Variants in ARHGAP8 observed in about 807,000 individuals in gnomAD.
ARHGAP8 encodes rho GTPase-activating protein 8.
A neutral mutation model predicts 46.1 loss-of-function variants in ARHGAP8; 62 were observed. The observed-to-expected ratio is 1.34, with a 90% CI of 1.10 to 1.66. The LOEUF (loss-of-function observed/expected upper bound fraction) is 1.66. Among genes scored for constraint, ARHGAP8 ranks in the 40% most tolerant of loss-of-function variants. The pLI is 0.00. For missense variants in ARHGAP8, 923 were observed against 568.4 expected (o/e 1.62, Z -6.34); for synonymous variants, 375 against 243.1 (o/e 1.54, Z -5.05).
intron 7 of ARHGAP8, among the ~76,000 whole-genome samples, chr22:44,840,009 C>T (rs1322484886): frequency 6.6e-6 from 1 of 152,192 alleles, no homozygotes; most frequent in Non-Finnish European, 1.5e-5. Flanking sequence ...GCCAGTGCAC[C>T]TGCCCGCAGT....
rs555325054 is a variant in ARHGAP8, at chr22:44,857,499, C to T, written c.878-2232C>T. Among the ~76,000 whole-genome samples the T allele has an allele frequency of 1.3e-4, 20 of 152,256 alleles. No individual in the cohort carries two copies. The South Asian group carries it at 2.7e-3, about 21-fold the overall frequency. ...AAGTTGCACATGACATGGGTACCTTCGTAAGGAAACGAAGGCCCAGAGATC... is the reference window on the plus strand; with the variant it reads ...AAGTTGCACATGACATGGGTACCTTTGTAAGGAAACGAAGGCCCAGAGATC... On this transcript the variant is annotated intron_variant, in intron 10 of 11. Transcript: ENST00000356099.
At chr22:44,861,649 G>C (rs983515582) in intron 11 of ARHGAP8, among the ~76,000 whole-genome samples, 1 of 152,160 alleles carries the variant, frequency 6.6e-6, no homozygotes, top group Non-Finnish European at 1.5e-5. Flanking sequence ...GCAAGGAGCA[G>C]AGAACAGGCC....
intron 7 of ARHGAP8, among the ~76,000 whole-genome samples, chr22:44,843,576 C>T (rs1032089443): frequency 2.6e-5 from 4 of 151,992 alleles, no homozygotes; most frequent in African/African-American, 7.2e-5. Flanking sequence ...TGCCTGTAAT[C>T]CCAGGACTTT....
chr22:44,782,634 G>A (rs1034910082), intron 1 of ARHGAP8, among the ~76,000 whole-genome samples: 3 of 152,138 alleles, frequency 2.0e-5, no homozygotes, highest in East Asian at 3.9e-4. Flanking sequence ...TGAATAGAGC[G>A]GTTTCAAGTT....
chr22:44,860,960 T>G (rs939969838), intron 11 of ARHGAP8, among the ~76,000 whole-genome samples: 1 of 151,692 alleles, frequency 6.6e-6, no homozygotes, highest in African/African-American at 2.4e-5. Context: ...TTCTCCCTGT[T>G]GCTTGACATA....
intron 1 of ARHGAP8, among the ~76,000 whole-genome samples, chr22:44,770,434 C>G (rs539341818): frequency 6.6e-6 from 1 of 150,722 alleles, no homozygotes. Context: ...GAGACAGTGT[C>G]TCTCTGTATC....
chr22:44,822,479 T>C lies in ARHGAP8; in HGVS notation c.485+10T>C, dbSNP rs774049158. 5.2e-6 allele frequency: 8 copies of C among 1,535,026 alleles called. No individual in the cohort carries two copies. The highest frequency in any genetic ancestry group is 1.3e-5 in the South Asian group (1 of 77,084). ...CTCCCGAAGTTTTGCGGTAAGTGCCTGTTAGACCCCAGAAGCCGCATCAAT... is the reference window on the plus strand; with the variant it reads ...CTCCCGAAGTTTTGCGGTAAGTGCCCGTTAGACCCCAGAAGCCGCATCAAT... On this transcript the variant is annotated intron_variant, in intron 6 of 11. Coordinates refer to ENST00000356099, the MANE Select transcript of ARHGAP8 (RefSeq NM_181335.3).
At chr22:44,858,284 C>T (rs1390956774) in intron 10 of ARHGAP8, among the ~76,000 whole-genome samples, 1 of 151,854 alleles carries the variant, frequency 6.6e-6, no homozygotes, top group Non-Finnish European at 1.5e-5. Flanking sequence ...CATAGGCATG[C>T]ATGTGGCTGA....
At chr22:44,831,992 A>C (rs1421521998) in intron 7 of ARHGAP8, among the ~76,000 whole-genome samples, 2 of 152,130 alleles carry the variant, frequency 1.3e-5, no homozygotes, top group Non-Finnish European at 1.5e-5. Flanking sequence ...TAATTTCTGT[A>C]AAAGGCAGCT....
At chr22:44,784,637 G>A (rs558131255) in intron 1 of ARHGAP8, among the ~76,000 whole-genome samples, 2 of 152,194 alleles carry the variant, frequency 1.3e-5, no homozygotes, top group Admixed American at 1.3e-4. Flanking sequence ...TGTACTTTGG[G>A]CCCAACTGGA....
intron 8 of ARHGAP8, among the ~76,000 whole-genome samples, chr22:44,846,746 C>G (rs2069966589): frequency 1.3e-5 from 2 of 152,292 alleles, no homozygotes; most frequent in Middle Eastern, 3.4e-3. Flanking sequence ...CTACGTGCCT[C>G]CCTCGTGCCA....
rs142073610 is a variant in ARHGAP8, at chr22:44,773,255, C to G, written c.-71-13202C>G. On this transcript the variant is annotated intron_variant, in intron 1 of 11. Coordinates refer to ENST00000356099, the MANE Select transcript of ARHGAP8 (RefSeq NM_181335.3). ...TTATCTAGATTGTTGAATGTATTGT[C>G]ATAAGGGCATTTGTAATATTCTCTC... Among the ~76,000 whole-genome samples, 867 of 152,318 alleles carry G rather than the reference C, an allele frequency of 5.7e-3. 2 individuals are homozygous for G. Among genetic ancestry groups the G allele is most frequent in the African/African-American group, 0.019 (793 of 41,574 alleles).
chr22:44,830,058 C>T (rs1448104346), intron 7 of ARHGAP8, among the ~76,000 whole-genome samples: 1 of 150,384 alleles, frequency 6.6e-6, no homozygotes, highest in Non-Finnish European at 1.5e-5. Context: ...GCGTCTCACT[C>T]TGTCGCCCAG....
intron 7 of ARHGAP8, among the ~76,000 whole-genome samples, chr22:44,837,073 C>T (rs1238082872): frequency 6.6e-6 from 1 of 152,098 alleles, no homozygotes; most frequent in African/African-American, 2.4e-5. Flanking sequence ...TTGGTAGAAA[C>T]GGGGTTTCAC....
intron 10 of ARHGAP8, among the ~76,000 whole-genome samples, chr22:44,858,370 T>TTTTCC (rs1491478050): frequency 3.6e-5 from 1 of 28,100 alleles, no homozygotes; most frequent in Non-Finnish European, 7.9e-5. Context: ...TTGGTGGTGG[T>TTTTCC]TTTTTTTTTT....
chr22:44,761,013 G>A (rs780210403), intron 1 of ARHGAP8, among the ~76,000 whole-genome samples: 1 of 152,332 alleles, frequency 6.6e-6, no homozygotes, highest in Non-Finnish European at 1.5e-5. Flanking sequence ...CTGGCCAGGA[G>A]AAAGGGCCCA....
chr22:44,858,211 C>T (rs1331452044), intron 10 of ARHGAP8, among the ~76,000 whole-genome samples: 4 of 152,202 alleles, frequency 2.6e-5, no homozygotes, highest in African/African-American at 9.7e-5. Context: ...TGGTCACCAG[C>T]AACTCTGTGC....
chr22:44,849,858 C>T (rs2070051360), intron 10 of ARHGAP8: 1 of 152,224 alleles, frequency 6.6e-6, no homozygotes, highest in Admixed American at 6.5e-5. Context: ...GCCCAAAGGG[C>T]AGCCTGGCCT....
rs942774813 is a variant in ARHGAP8 at position 44,752,586 on chromosome 22, A to C, written c.-113A>C. The C allele has an allele frequency of 1.1e-4, 16 of 150,130 alleles. 1 individual carries two copies. Among genetic ancestry groups the C allele is most frequent in the African/African-American group, 2.7e-4 (11 of 41,002 alleles). 9.3% of individuals were successfully genotyped at this position (150,130 alleles called of 1,614,324 possible). On this transcript the variant is annotated 5_prime_UTR_variant, in exon 1 of 12. Transcript: ENST00000356099. ...TCCGGGGAGGGGCCAGGTGAGCGGC[A>C]GACCCGGCACGCAGGTGGGGGCCGG... is the stretch of plus-strand genomic sequence containing the variant.
Sources: gnomAD v4.1 joint callset for allele counts (sites outside exome capture counted in the v4.1 genomes callset) on GRCh38, gnomAD v4.1.1 for gene constraint, MANE v1.5 for transcripts, NCBI Gene and HGNC (gene_info 2026-07-23, HGNC 2026-07-21) for gene names.